Variants in FAM227A observed in about 807,000 individuals in gnomAD.
FAM227A encodes protein FAM227A.
In FAM227A, 80 loss-of-function variants were observed where a neutral mutation model predicts 74.7. The ratio of observed to expected loss-of-function variants is 1.07; its 90% confidence interval spans 0.89 to 1.29. The LOEUF (loss-of-function observed/expected upper bound fraction) is 1.29, where lower values mean the gene tolerates loss of function less well. Among genes scored for constraint, FAM227A ranks in the 50% most tolerant of loss-of-function variants. The pLI, the probability that FAM227A is intolerant of heterozygous loss-of-function variation, is 0.00. For missense variants in FAM227A, 654 were observed against 683.4 expected, an observed-to-expected ratio of 0.96 and a Z score of 0.48; for synonymous variants, 237 against 241.8, an observed-to-expected ratio of 0.98 and a Z score of 0.19.
Position 38,626,320 on chromosome 22 carries a change from G to A in FAM227A, c.727-17C>T. On this transcript the variant is annotated splice_polypyrimidine_tract_variant and intron_variant, in intron 8 of 16. Transcript: ENST00000535113. Reference sequence around the variant, plus strand: ...TGGCAGCCTCTGCGGAGCAAGCCGAGCTCAGGCAACGTTCTCAACATTTCC... The same window carrying A: ...TGGCAGCCTCTGCGGAGCAAGCCGAACTCAGGCAACGTTCTCAACATTTCC... The A allele has an allele frequency of 6.5e-7, 1 of 1,548,800 alleles. No individual in the cohort carries two copies. Among genetic ancestry groups the A allele is most frequent in the Non-Finnish European group, 8.7e-7 (1 of 1,145,830 alleles).
intron 1 of FAM227A, 146 bp downstream of exon 1, chr22:38,655,974 A>G (rs557476658): frequency 1.3e-5 from 2 of 152,376 alleles, no homozygotes; most frequent in East Asian, 1.9e-4. Flanking sequence ...TTGATTCTCC[A>G]GTAGTTCTCT....
chr22:38,583,056 G>A lies in FAM227A; in HGVS notation c.*3069C>T. On this transcript the variant is annotated 3_prime_UTR_variant, in exon 17 of 17. Transcript: ENST00000535113. ...GGTTCCTAGAGAAACTGCAAATGAA[G>A]AGTTGACAGTGGCTGGGGTAGTAAA... 2 of 1,276,968 alleles carry A rather than the reference G, an allele frequency of 1.6e-6. No individual in the cohort carries two copies. The highest frequency in any genetic ancestry group is 1.4e-5 in the South Asian group (1 of 72,250). The allele number at this position is 1,276,968 out of a possible 1,614,324, so 79.1% of individuals were successfully genotyped here.
At chr22:38,610,802 C>G (rs1171254731) in intron 11 of FAM227A, among the ~76,000 whole-genome samples, 3 of 152,232 alleles carry the variant, frequency 2.0e-5, no homozygotes, top group Non-Finnish European at 2.9e-5. Flanking sequence ...TGGCTCACGC[C>G]TGCAATCCTG....
In FAM227A at chr22:38,638,787, C is replaced by G; in HGVS notation, c.331G>C (p.Gly111Arg). ...RQRKSQYSCK[G>R]SELRHARSSV... ...GATCTGGCATGTCTGAGTTCGGAGC[C>G]TTTGCAGGAATACTGAGATTTCCTT... Residue 111 changes from glycine (G) to arginine (R), a missense_variant, in exon 5 of 17, where the codon GGC becomes CGC. Gly to Arg is a moderately radical substitution (Grantham distance 125). Transcript: ENST00000535113. The G allele has an allele frequency of 1.3e-6, 2 of 1,539,940 alleles. No individual in the cohort carries two copies. Among genetic ancestry groups the G allele is most frequent in the Admixed American group, 2.1e-5 (1 of 47,040 alleles).
intron 11 of FAM227A, among the ~76,000 whole-genome samples, chr22:38,619,716 G>C (rs2091646984): frequency 6.6e-6 from 1 of 152,174 alleles, no homozygotes; most frequent in Admixed American, 6.5e-5. Flanking sequence ...GATGGCCCTA[G>C]AAGTATCTGA....
Position 38,605,354 on chromosome 22 carries a change from A to C in FAM227A, c.1127-6T>G. Reference sequence around the variant, plus strand: ...CAGGGTCTGACAATGATGCTCTGTCAATGTGACATTAGCAAGAAAATGACC... The same window carrying C: ...CAGGGTCTGACAATGATGCTCTGTCCATGTGACATTAGCAAGAAAATGACC... On this transcript the variant is annotated splice_region_variant and splice_polypyrimidine_tract_variant and intron_variant, in intron 12 of 16. Coordinates refer to ENST00000535113, the MANE Select transcript of FAM227A (RefSeq NM_001013647.2). 1 of 1,514,882 alleles carries C rather than the reference A, an allele frequency of 6.6e-7. No homozygotes were observed. The highest frequency in any genetic ancestry group is 9.0e-7 in the Non-Finnish European group (1 of 1,113,452). The allele number at this position is 1,514,882 out of a possible 1,614,324, so 93.8% of individuals were successfully genotyped here.
At chr22:38,619,864 T>C (rs1486421596) in intron 11 of FAM227A, among the ~76,000 whole-genome samples, 2 of 152,006 alleles carry the variant, frequency 1.3e-5, no homozygotes, top group East Asian at 1.9e-4. Flanking sequence ...GAGGAGAAAG[T>C]ACGTATCAGG....
At chr22:38,651,600 G>A (rs1370151201) in intron 1 of FAM227A, among the ~76,000 whole-genome samples, 2 of 151,980 alleles carry the variant, frequency 1.3e-5, no homozygotes, top group Admixed American at 1.3e-4. Context: ...GACCTCAGGT[G>A]ATCCACCCAC....
chr22:38,645,897 C>A (rs2092227388), intron 2 of FAM227A, among the ~76,000 whole-genome samples: 1 of 152,110 alleles, frequency 6.6e-6, no homozygotes, highest in Admixed American at 6.6e-5. Flanking sequence ...GATCCTCCCA[C>A]CTCAGCCTCC....
At chr22:38,600,536 C>T (rs555930071) in intron 13 of FAM227A, among the ~76,000 whole-genome samples, 31 of 151,474 alleles carry the variant, frequency 2.0e-4, no homozygotes, top group African/African-American at 7.0e-4. Flanking sequence ...CAGGGTTTCA[C>T]CACGTTGGCC....
At chr22:38,606,623 G>A (rs144018074) in intron 12 of FAM227A, among the ~76,000 whole-genome samples, 7 of 152,142 alleles carry the variant, frequency 4.6e-5, no homozygotes, top group Non-Finnish European at 1.0e-4. Flanking sequence ...CATTACTCAT[G>A]ATTTCCAGGG....
rs368183534 is a variant in FAM227A at position 38,597,647 on chromosome 22, T to C, written c.1380-291A>G. Among the ~76,000 whole-genome samples, 21 of 152,278 alleles carry C rather than the reference T, an allele frequency of 1.4e-4. No homozygotes were observed. In the East Asian group the frequency reaches 2.5e-3, roughly 18 times the overall value. On this transcript the variant is annotated intron_variant, in intron 14 of 16. Transcript: ENST00000535113. ...ATGGAAGGCAGGGCTAAGAAATACT[T>C]TTTTAGACTGTCATCTGAAATTCTT...
chr22:38,649,467 G>A (rs1002276257), intron 2 of FAM227A, among the ~76,000 whole-genome samples: 1 of 151,860 alleles, frequency 6.6e-6, no homozygotes, highest in Admixed American at 6.6e-5. Flanking sequence ...TCGGGAGGCT[G>A]AGGCAGGAGA....
intron 13 of FAM227A, among the ~76,000 whole-genome samples, chr22:38,603,292 C>T (rs953821402): frequency 7.2e-5 from 11 of 152,062 alleles, no homozygotes; most frequent in South Asian, 2.1e-4. Context: ...GTTTGAGACC[C>T]GCCTGACCAA....
intron 16 of FAM227A, among the ~76,000 whole-genome samples, chr22:38,588,289 C>T (rs766421241): frequency 1.3e-5 from 2 of 152,064 alleles, no homozygotes; most frequent in African/African-American, 2.4e-5. Flanking sequence ...TGATTCTATA[C>T]GTTGAAAATG....
At chr22:38,627,846 C>T (rs1292839291) in intron 8 of FAM227A, among the ~76,000 whole-genome samples, 4 of 152,054 alleles carry the variant, frequency 2.6e-5, no homozygotes, top group Admixed American at 6.5e-5. Flanking sequence ...TCAGGTGATC[C>T]GCCCGCCTTG....
intron 2 of FAM227A, among the ~76,000 whole-genome samples, chr22:38,646,551 C>T (rs1405821143): frequency 7.9e-5 from 12 of 151,916 alleles, no homozygotes; most frequent in Middle Eastern, 3.4e-3. Flanking sequence ...CGTGAGCCAC[C>T]GCGCCCGGCC....
intron 9 of FAM227A, among the ~76,000 whole-genome samples, chr22:38,624,651 T>C (rs996948121): frequency 6.6e-6 from 1 of 152,172 alleles, no homozygotes; most frequent in African/African-American, 2.4e-5. Flanking sequence ...GAGGTGTCTA[T>C]GTGACGATCC....
chr22:38,583,027 G>A lies in FAM227A; in HGVS notation c.*3098C>T. 6.8e-7 allele frequency: 1 copy of A among 1,475,926 alleles called. No individual in the cohort carries two copies. Among genetic ancestry groups the A allele is most frequent in the South Asian group, 1.2e-5 (1 of 81,436 alleles). 91.4% of individuals were successfully genotyped at this position (1,475,926 alleles called of 1,614,324 possible). On this transcript the variant is annotated 3_prime_UTR_variant, in exon 17 of 17. Coordinates refer to ENST00000535113, the MANE Select transcript of FAM227A (RefSeq NM_001013647.2). ...AGACAAAAGATCCAGAAATAGGAAAGTGTGGTTCCTAGAGAAACTGCAAAT... is the reference window on the plus strand; with the variant it reads ...AGACAAAAGATCCAGAAATAGGAAAATGTGGTTCCTAGAGAAACTGCAAAT...
Sources: gnomAD v4.1 joint callset for allele counts (sites outside exome capture counted in the v4.1 genomes callset) on GRCh38, gnomAD v4.1.1 for gene constraint, MANE v1.5 for transcripts, NCBI Gene and HGNC (gene_info 2026-07-23, HGNC 2026-07-21) for gene names.